Variants in PDZD8 observed in about 807,000 individuals in gnomAD.
PDZD8 encodes the protein PDZ domain-containing protein 8.
In PDZD8, 14 loss-of-function variants were observed where a neutral mutation model predicts 85.8. That is an observed-to-expected ratio of 0.16 (90% CI 0.11 to 0.26). The LOEUF is 0.26. PDZD8 is among the 10% of genes least tolerant of loss of function. PDZD8 has a pLI of 1.00. For synonymous variants in PDZD8, 592 were observed against 568.6 expected (o/e 1.04, Z -0.59); for missense variants, 1,197 against 1,424.3 (o/e 0.84, Z 2.57).
At position 117,375,064 on chromosome 10, in the gene PDZD8, A is replaced by G. The variant is rs1203020332; in HGVS notation, c.164T>C (p.Leu55Pro). ...FRYIKPVPGL[L>P]LREYLYGGGR... ...GCCGCCATAAAGGTACTCCCTTAGGAGCAGGCCCGGCACTGGCTTGATGTA... is the reference window on the plus strand; with the variant it reads ...GCCGCCATAAAGGTACTCCCTTAGGGGCAGGCCCGGCACTGGCTTGATGTA... Residue 55 changes from leucine (L) to proline (P), a missense_variant, in exon 1 of 5, where the codon CTC (leucine) becomes CCC (proline). Leu to Pro is a moderately conservative substitution (Grantham distance 98). This residue lies in a region of PDZD8 where 172 missense variants were observed against 137.8 expected (regional missense o/e 1.25). Transcript: ENST00000334464. 4.4e-6 allele frequency: 7 copies of G among 1,600,082 alleles called. No homozygotes were observed. Among genetic ancestry groups the G allele is most frequent in the East Asian group, 2.3e-5 (1 of 44,424 alleles).
Position 117,368,851 on chromosome 10 carries a change from GTTT to G in PDZD8, c.872+5502_872+5504del, listed in dbSNP as rs3034161. 3.5e-4 allele frequency among the ~76,000 whole-genome samples: 35 copies of G among 99,070 alleles called. No individual in the cohort carries two copies. The East Asian group carries it at 4.1e-3, about 12-fold the overall frequency. 65.0% of individuals were successfully genotyped at this position (99,070 alleles called of 152,430 possible). On this transcript the variant is annotated intron_variant, in intron 1 of 4. Coordinates refer to ENST00000334464, the MANE Select transcript of PDZD8 (RefSeq NM_173791.5). ...TAAAATTCAACATTATATTGACAAT[GTTT>G]TTTTTTTTTTTTTTTTTTTTTGAGA... is the stretch of plus-strand genomic sequence containing the variant.
At chr10:117,368,130 A>G (rs1845121538) in intron 1 of PDZD8, among the ~76,000 whole-genome samples, 4 of 152,224 alleles carry the variant, frequency 2.6e-5, no homozygotes, top group Admixed American at 2.6e-4. Context: ...AACCATTTTT[A>G]TCACGTTTAC....
At chr10:117,333,137 A>AAAAAAAAAAAAAAAAAAAAAAC (rs1564703089) in intron 2 of PDZD8, among the ~76,000 whole-genome samples, 1 of 149,110 alleles carries the variant, frequency 6.7e-6, no homozygotes, top group African/African-American at 2.5e-5. Flanking sequence ...AAAAAAAAAA[A>AAAAAAAAAAAAAAAAAAAAAAC]AAAAAAGGGG....
chr10:117,308,861 T>C (rs1304573914), intron 3 of PDZD8, among the ~76,000 whole-genome samples: 1 of 152,162 alleles, frequency 6.6e-6, no homozygotes, highest in East Asian at 1.9e-4. Context: ...GGTTAATGCA[T>C]GTAAAATCTT....
intron 3 of PDZD8, among the ~76,000 whole-genome samples, chr10:117,300,458 A>C (rs1843827193): frequency 6.6e-6 from 1 of 152,194 alleles, no homozygotes; most frequent in South Asian, 2.1e-4. Context: ...GGTCTTCAAA[A>C]ACCATTCTAT....
intron 1 of PDZD8, among the ~76,000 whole-genome samples, chr10:117,345,440 C>T (rs1012120145): frequency 2.6e-5 from 4 of 152,116 alleles, no homozygotes; most frequent in Non-Finnish European, 1.5e-5. Context: ...ACAAGTTATG[C>T]CCCTGGGTGC....
chr10:117,331,367 C>T (rs2133830426), intron 2 of PDZD8, among the ~76,000 whole-genome samples: 1 of 152,268 alleles, frequency 6.6e-6, no homozygotes, highest in East Asian at 1.9e-4. Context: ...CCCTAATTTA[C>T]ACATTAGAAA....
intron 1 of PDZD8, among the ~76,000 whole-genome samples, chr10:117,350,594 T>C (rs1844788923): frequency 6.6e-6 from 1 of 150,436 alleles, no homozygotes; most frequent in African/African-American, 2.4e-5. Flanking sequence ...CAATGCCTCT[T>C]AAAAGTTGTT....
intron 3 of PDZD8, among the ~76,000 whole-genome samples, chr10:117,297,796 T>A (rs987565104): frequency 6.6e-6 from 1 of 152,174 alleles, no homozygotes; most frequent in Admixed American, 6.6e-5. Context: ...AGAGGTTACA[T>A]GATTGTATAC....
intron 2 of PDZD8, among the ~76,000 whole-genome samples, chr10:117,333,143 A>AAG (rs1844458934): frequency 6.7e-6 from 1 of 148,886 alleles, no homozygotes; most frequent in African/African-American, 2.5e-5. Context: ...AAAAAAAAAA[A>AAG]GGGGATATGG....
chr10:117,374,543 G>C lies in PDZD8; in HGVS notation c.685C>G (p.Leu229Val), dbSNP rs1845255988. The C allele has an allele frequency of 1.2e-6, 2 of 1,607,344 alleles. No individual in the cohort carries two copies. Among genetic ancestry groups the C allele is most frequent in the Non-Finnish European group, 1.7e-6 (2 of 1,176,946 alleles). ...GGCACGCGCGTAAAGACCAAGCGCA[G>C]CCTTCCCACCACGCGGGACAGCTTG... is the stretch of plus-strand genomic sequence containing the variant. Reference protein sequence around the residue: ...FVKLSRVVGRLRLVFTRVPFT... With the variant: ...FVKLSRVVGRVRLVFTRVPFT... The change falls in exon 1 of 5, where the codon CTG becomes GTG. Residue 229 changes from leucine to valine, a missense_variant. Around this residue, in one of 4 missense-constraint regions of PDZD8, gnomAD observed 344 missense variants for 453.6 expected, o/e 0.76. Transcript: ENST00000334464. The surrounding 1 kb of genome is among the most constrained non-coding windows in gnomAD (Gnocchi z 7.8).
chr10:117,315,605 A>AC (rs1234899314), intron 3 of PDZD8, among the ~76,000 whole-genome samples: 3 of 151,360 alleles, frequency 2.0e-5, no homozygotes, highest in South Asian at 2.1e-4. Flanking sequence ...AAAAAAAAAA[A>AC]AAAAAAACAA....
At chr10:117,359,361 A>AGCCATGAGTGT (rs1171038160) in intron 1 of PDZD8, among the ~76,000 whole-genome samples, 2 of 151,870 alleles carry the variant, frequency 1.3e-5, no homozygotes, top group Non-Finnish European at 2.9e-5. Context: ...GGTTACACTG[A>AGCCATGAGTGT]GCCATGAGTG....
At chr10:117,367,659 TGTG>T in intron 1 of PDZD8, among the ~76,000 whole-genome samples, 1 of 151,766 alleles carries the variant, frequency 6.6e-6, no homozygotes, top group Non-Finnish European at 1.5e-5. Context: ...AGAAAGCTAA[TGTG>T]GTGGCTCATG....
Position 117,284,760 on chromosome 10 carries a change from G to A in PDZD8, c.1973C>T (p.Ala658Val), listed in dbSNP as rs1844630764. The change falls in exon 5 of 5, where the codon GCC (alanine) becomes GTC (valine). Residue 658 changes from alanine to valine, a missense_variant. Around this residue, in one of 4 missense-constraint regions of PDZD8, gnomAD observed 263 missense variants for 261.9 expected, o/e 1.00. Coordinates refer to ENST00000334464, the MANE Select transcript of PDZD8 (RefSeq NM_173791.5). ...GGAAGTTTCTGAAGTGACATCTTTG[G>A]CCACTTCTTGCTTTGCTAAAAATTG... is the stretch of plus-strand genomic sequence containing the variant. ...PKQFLAKQEV[A>V]KDVTSETSCP... is the part of the protein sequence containing the mutation. The A allele has an allele frequency of 6.2e-7, 1 of 1,614,184 alleles. No individual in the cohort carries two copies. Among genetic ancestry groups the A allele is most frequent in the East Asian group, 2.2e-5 (1 of 44,882 alleles).
At chr10:117,369,090 TC>T (rs1317223755) in intron 1 of PDZD8, among the ~76,000 whole-genome samples, 1 of 151,948 alleles carries the variant, frequency 6.6e-6, no homozygotes, top group African/African-American at 2.4e-5. Context: ...CACCTTGGCC[TC>T]CCAAAGTGCT....
chr10:117,283,978 G>C lies in PDZD8; in HGVS notation c.2755C>G (p.Arg919Gly). 6.2e-7 allele frequency: 1 copy of C among 1,614,192 alleles called. No individual in the cohort carries two copies. Among genetic ancestry groups the C allele is most frequent in the Non-Finnish European group, 8.5e-7 (1 of 1,180,042 alleles). The change falls in exon 5 of 5, where the codon CGT becomes GGT. Residue 919 changes from arginine to glycine, a missense_variant. Arg to Gly is a moderately radical substitution (Grantham distance 125). Coordinates refer to ENST00000334464, the MANE Select transcript of PDZD8 (RefSeq NM_173791.5). ...GACTTGCTAGCTTCAGCATCAACAC[G>C]AGGAGGCAGGCCTAAGAGGGTTTCC... ...GQETLLGLPP[R>G]VDAEASKSVN...
intron 1 of PDZD8, among the ~76,000 whole-genome samples, chr10:117,361,943 T>C (rs1268700416): frequency 6.6e-6 from 1 of 152,182 alleles, no homozygotes; most frequent in African/African-American, 2.4e-5. Context: ...GCAAATACTA[T>C]GCCATTTTAT....
intron 1 of PDZD8, among the ~76,000 whole-genome samples, chr10:117,355,666 C>A (rs1259750173): frequency 2.0e-5 from 3 of 152,136 alleles, no homozygotes; most frequent in East Asian, 1.9e-4. Context: ...AGTGCTGTTA[C>A]AAGAATTGCA....
Sources: allele counts gnomAD v4.1 joint callset (sites outside exome capture counted in the v4.1 genomes callset), GRCh38; gene constraint gnomAD v4.1.1; regional missense constraint gnomAD v4.1.1; non-coding constraint Gnocchi (gnomAD v3.1); transcripts MANE v1.5; gene names NCBI Gene and HGNC (gene_info 2026-07-23, HGNC 2026-07-21).